CRIM1: variants seen among roughly 807,000 people sequenced by gnomAD.
The protein encoded by CRIM1 is cysteine-rich motor neuron 1 protein.
A neutral mutation model predicts 116.4 loss-of-function variants in CRIM1; 32 were observed. That is an observed-to-expected ratio of 0.27 (90% CI 0.21 to 0.37). The LOEUF (loss-of-function observed/expected upper bound fraction) is 0.37. CRIM1 is among the 10% of genes least tolerant of loss of function. CRIM1 has a pLI of 1.00. For synonymous variants in CRIM1, 590 were observed against 509.2 expected (o/e 1.16, Z -2.13); for missense variants, 1,331 against 1,354.8 (o/e 0.98, Z 0.28).
In CRIM1 at chr2:36,406,816, G is replaced by A. The variant is rs990764064; in HGVS notation, c.505+10029G>A. ...TCATCATAGATTCTAGTTTTCTTAG[G>A]CTAGTTACATCTGAAAGTGGTATTA... On this transcript the variant is annotated intron_variant, in intron 2 of 16. Transcript: ENST00000280527. Among the ~76,000 whole-genome samples the A allele has an allele frequency of 3.3e-5, 5 of 152,126 alleles. No individual in the cohort carries two copies. The South Asian group carries it at 8.3e-4, about 25-fold the overall frequency.
At chr2:36,436,871 C>G (rs1675354873) in intron 2 of CRIM1, among the ~76,000 whole-genome samples, 1 of 152,170 alleles carries the variant, frequency 6.6e-6, no homozygotes, top group African/African-American at 2.4e-5. Context: ...TTTAATATCA[C>G]TCTTCTAAAA....
intron 14 of CRIM1, among the ~76,000 whole-genome samples, chr2:36,541,207 C>T (rs2125178555): frequency 6.6e-6 from 1 of 152,260 alleles, no homozygotes; most frequent in African/African-American, 2.4e-5. Flanking sequence ...CTGGATAGCA[C>T]ATGCCACCTC....
At chr2:36,497,504 A>G (rs1490262050) in intron 7 of CRIM1, among the ~76,000 whole-genome samples, 2 of 152,206 alleles carry the variant, frequency 1.3e-5, no homozygotes, top group African/African-American at 4.8e-5. Context: ...AAATTTTAAG[A>G]GAATGGAGGG....
At chr2:36,384,055 A>G (rs992814523) in intron 1 of CRIM1, among the ~76,000 whole-genome samples, 2 of 152,248 alleles carry the variant, frequency 1.3e-5, no homozygotes, top group Non-Finnish European at 2.9e-5. Context: ...GAGAAGTGCT[A>G]CGGAGAAAAA....
intron 1 of CRIM1, chr2:36,378,434 C>G (rs1182343165): frequency 2.1e-6 from 1 of 470,790 alleles, no homozygotes; most frequent in African/African-American, 2.0e-5. Flanking sequence ...CCCAAATGGT[C>G]CAGATGCAAC....
rs1317375361 is a variant in CRIM1, at chr2:36,487,474, A to G, written c.1372+7780A>G. 3.3e-5 allele frequency among the ~76,000 whole-genome samples: 5 copies of G among 151,994 alleles called. No homozygotes were observed. The East Asian group carries it at 9.7e-4, about 29-fold the overall frequency. On this transcript the variant is annotated intron_variant, in intron 7 of 16. Coordinates refer to ENST00000280527, the MANE Select transcript of CRIM1 (RefSeq NM_016441.3). Reference sequence around the variant, plus strand: ...TAGAGATCATAGCACATCCTTTTGAATATCCTTAGCTTTGTAAACCCTTGA... The same window carrying G: ...TAGAGATCATAGCACATCCTTTTGAGTATCCTTAGCTTTGTAAACCCTTGA...
rs773882030 is a variant in CRIM1 at position 36,499,326 on chromosome 2, C to T, written c.1480C>T (p.Arg494Trp). The T allele has an allele frequency of 8.2e-5, 133 of 1,613,922 alleles. No homozygotes were observed. Among genetic ancestry groups the T allele is most frequent in the Non-Finnish European group, 1.1e-4 (131 of 1,179,990 alleles). Reference protein sequence around the residue: ...NGFKRDHNGCRTCQCINTEEL... With the variant: ...NGFKRDHNGCWTCQCINTEEL... ...TTTCAAACGCGATCACAATGGTTGT[C>T]GGACCTGTCAGTGCATAAACAGTGA... The change falls in exon 8 of 17, where the codon CGG becomes TGG. Residue 494 changes from arginine to tryptophan, a missense_variant. This residue lies in a region of CRIM1 where 690 missense variants were observed against 676.0 expected (regional missense o/e 1.02). Transcript: ENST00000280527.
At chr2:36,386,951 G>C (rs766754244) in intron 1 of CRIM1, among the ~76,000 whole-genome samples, 34 of 152,212 alleles carry the variant, frequency 2.2e-4, no homozygotes, top group Non-Finnish European at 4.6e-4. Context: ...GCAATTCATA[G>C]TCACTAAGTC....
rs1665222720 is a variant in CRIM1 at position 36,519,240 on chromosome 2, A to G, written c.2206+1698A>G. On this transcript the variant is annotated intron_variant, in intron 12 of 16. Transcript: ENST00000280527. The stretch of plus-strand genomic sequence containing the variant: ...TCCACCCATAAAGAGAAGGAGAGCT[A>G]TGTGGAGGTGGGAACCTCTGAGTAT... 3.3e-5 allele frequency among the ~76,000 whole-genome samples: 5 copies of G among 152,190 alleles called. No individual in the cohort carries two copies. The South Asian group carries it at 1.0e-3, about 31-fold the overall frequency.
chr2:36,439,783 C>T (rs1331178566), intron 2 of CRIM1, among the ~76,000 whole-genome samples: 3 of 152,186 alleles, frequency 2.0e-5, no homozygotes, highest in African/African-American at 7.2e-5. Flanking sequence ...TCTTGTTTTC[C>T]CCTCATAGCA....
intron 2 of CRIM1, among the ~76,000 whole-genome samples, chr2:36,436,306 G>A (rs1290026950): frequency 6.6e-6 from 1 of 152,062 alleles, no homozygotes; most frequent in Non-Finnish European, 1.5e-5. Flanking sequence ...GGGTGAGTAG[G>A]GATTCTAGAT....
intron 1 of CRIM1, among the ~76,000 whole-genome samples, chr2:36,391,626 A>G (rs1671610780): frequency 6.6e-6 from 1 of 152,208 alleles, no homozygotes; most frequent in African/African-American, 2.4e-5. Context: ...TCCTTGGCCT[A>G]GGTGTACCTG....
chr2:36,539,724 A>C (rs566003099), intron 14 of CRIM1, among the ~76,000 whole-genome samples: 3 of 152,290 alleles, frequency 2.0e-5, no homozygotes, highest in Admixed American at 2.0e-4. Flanking sequence ...GTAGGATTTC[A>C]ATGTATGCGG....
At chr2:36,460,824 G>T (rs1322545817) in intron 4 of CRIM1, among the ~76,000 whole-genome samples, 1 of 152,224 alleles carries the variant, frequency 6.6e-6, no homozygotes, top group Admixed American at 6.5e-5. Flanking sequence ...AATAGAGAAA[G>T]AGGGTGCTGT....
chr2:36,363,530 C>CT (rs1553364338), intron 1 of CRIM1, among the ~76,000 whole-genome samples: 1 of 25,264 alleles, frequency 4.0e-5, no homozygotes, highest in Non-Finnish European at 8.1e-5. Flanking sequence ...GTCGTCGCCG[C>CT]CCCCCCCCCC....
chr2:36,421,415 T>C (rs1169273266), intron 2 of CRIM1, among the ~76,000 whole-genome samples: 1 of 152,234 alleles, frequency 6.6e-6, no homozygotes, highest in Admixed American at 6.5e-5. Context: ...GGGACTTTTT[T>C]CAAAAACCAT....
intron 13 of CRIM1, among the ~76,000 whole-genome samples, chr2:36,533,351 G>C (rs2125155416): frequency 6.8e-6 from 1 of 147,138 alleles, no homozygotes. Flanking sequence ...CATTTTGGGA[G>C]ACTAAGGCAG....
At chr2:36,439,485 G>A (rs1675604185) in intron 2 of CRIM1, among the ~76,000 whole-genome samples, 1 of 152,098 alleles carries the variant, frequency 6.6e-6, no homozygotes, top group Non-Finnish European at 1.5e-5. Context: ...AATGGCATAA[G>A]GGGTTCTAAA....
intron 2 of CRIM1, among the ~76,000 whole-genome samples, chr2:36,400,845 A>G (rs561480506): frequency 6.6e-5 from 10 of 152,268 alleles, no homozygotes; most frequent in African/African-American, 2.4e-4. Flanking sequence ...TTAAGAGTGC[A>G]GTGATGATGG....
Sources: allele counts gnomAD v4.1 joint callset (sites outside exome capture counted in the v4.1 genomes callset), GRCh38; gene constraint gnomAD v4.1.1; regional missense constraint gnomAD v4.1.1; transcripts MANE v1.5; gene names NCBI Gene and HGNC (gene_info 2026-07-23, HGNC 2026-07-21).